The following EML5 variants were observed in gnomAD, a reference collection of about 807,000 sequenced individuals.
The protein encoded by EML5 is EMAP like 5, also known as echinoderm microtubule-associated protein-like 5.
In EML5, 120 loss-of-function variants were observed where a neutral mutation model predicts 250.0. That is an observed-to-expected ratio of 0.48 (90% CI 0.41 to 0.56). EML5 has a LOEUF of 0.56. EML5 is among the 20% of genes least tolerant of loss of function. The probability of loss-of-function intolerance (pLI) is 0.00; values close to 1 mark genes in which losing one functional copy is unlikely to be tolerated. For synonymous variants in EML5, 771 were observed against 806.5 expected, an observed-to-expected ratio of 0.96 and a Z score of 0.75; for missense variants, 2,006 against 2,437.6, an observed-to-expected ratio of 0.82 and a Z score of 3.73.
In EML5 at chr14:88,618,705, T is replaced by C. The variant is rs541600190; in HGVS notation, c.5483A>G (p.Asp1828Gly). The C allele has an allele frequency of 6.2e-7, 1 of 1,612,040 alleles. No individual in the cohort carries two copies. Among genetic ancestry groups the C allele is most frequent in the South Asian group, 1.1e-5 (1 of 90,472 alleles). Reference protein sequence around the residue: ...PTLNRISYCKDIPSFVIQMDF... With the variant: ...PTLNRISYCKGIPSFVIQMDF... Reference sequence around the variant, plus strand: ...CATTTGAATGACAAAGCTTGGAATGTCTTTGCAGTAGCTGATTCTGTTAAG... The same window carrying C: ...CATTTGAATGACAAAGCTTGGAATGCCTTTGCAGTAGCTGATTCTGTTAAG... The change falls in exon 40 of 44, where the codon GAC becomes GGC. Residue 1828 changes from aspartate to glycine, a missense_variant. This residue lies in a region of EML5 where 405 missense variants were observed against 523.3 expected (regional missense o/e 0.77). Coordinates refer to ENST00000554922, the MANE Select transcript of EML5 (RefSeq NM_183387.3).
chr14:88,732,512 G>A (rs977497783), intron 7 of EML5, among the ~76,000 whole-genome samples: 1 of 152,142 alleles, frequency 6.6e-6, no homozygotes, highest in African/African-American at 2.4e-5. Context: ...TGCCTTCAGT[G>A]TTGTTCTTTT....
intron 7 of EML5, among the ~76,000 whole-genome samples, chr14:88,729,621 G>A (rs998953492): frequency 4.6e-5 from 7 of 151,496 alleles, no homozygotes; most frequent in Non-Finnish European, 8.8e-5. Context: ...TAGTGCTGGC[G>A]CAATCTTAGT....
intron 21 of EML5, among the ~76,000 whole-genome samples, chr14:88,668,238 C>T (rs2141014619): frequency 6.6e-6 from 1 of 152,256 alleles, no homozygotes; most frequent in Non-Finnish European, 1.5e-5. Context: ...TCTGACTGGA[C>T]AGTGACCGAC....
intron 3 of EML5, among the ~76,000 whole-genome samples, chr14:88,745,636 T>C (rs1425455472): frequency 6.6e-6 from 1 of 152,164 alleles, no homozygotes; most frequent in Non-Finnish European, 1.5e-5. Context: ...AAACAGACCC[T>C]AGGCTCAAAC....
At chr14:88,718,726 C>T (rs1012299057) in intron 8 of EML5, among the ~76,000 whole-genome samples, 4 of 152,028 alleles carry the variant, frequency 2.6e-5, no homozygotes, top group African/African-American at 9.7e-5. Flanking sequence ...GAGAAATACT[C>T]CTGTGAAAGG....
At chr14:88,621,922 C>T (rs4635267) in intron 37 of EML5, 110,423 of 455,148 alleles carry the variant, frequency 0.24, 14,006 homozygotes, top group East Asian at 0.36. Context: ...TACATAAATA[C>T]GTGATTCTTA....
rs1175399938 is a variant in EML5 at position 88,682,617 on chromosome 14, T to TC, written c.2983-587dup. Among the ~76,000 whole-genome samples, 6 of 152,058 alleles carry TC rather than the reference T, an allele frequency of 3.9e-5. No individual in the cohort carries two copies. The East Asian group carries it at 1.2e-3, about 29-fold the overall frequency. ...GCAACCAAGAACACTAGGCTCTCTC[T>TC]CCCCCCAGCTCGCGGTCAGAGCACT... On this transcript the variant is annotated intron_variant, in intron 20 of 43. Coordinates refer to ENST00000554922, the MANE Select transcript of EML5 (RefSeq NM_183387.3).
intron 2 of EML5, among the ~76,000 whole-genome samples, chr14:88,749,722 A>G (rs1384753433): frequency 6.6e-6 from 1 of 152,204 alleles, no homozygotes; most frequent in East Asian, 1.9e-4. Context: ...TGGATTACAA[A>G]GTGTCAATAA....
At chr14:88,638,711 G>C (rs1411490921) in intron 32 of EML5, 98 bp downstream of exon 32, 2 of 1,033,014 alleles carry the variant, frequency 1.9e-6, no homozygotes, top group Non-Finnish European at 2.8e-6. Flanking sequence ...TTGAACAATC[G>C]ATAAATCAAT....
intron 1 of EML5, among the ~76,000 whole-genome samples, chr14:88,791,916 G>T (rs1222339044): frequency 6.6e-6 from 1 of 152,172 alleles, no homozygotes; most frequent in Admixed American, 6.5e-5. Context: ...ATTAGGTAAA[G>T]GGTTTCCCCC....
At chr14:88,636,580 G>A (rs958325936) in intron 32 of EML5, among the ~76,000 whole-genome samples, 3 of 152,192 alleles carry the variant, frequency 2.0e-5, no homozygotes, top group Non-Finnish European at 4.4e-5. Context: ...AGAATGGCGT[G>A]AACCCGGGAG....
Position 88,646,975 on chromosome 14 carries a change from G to A in EML5, c.4020-20C>T. The A allele has an allele frequency of 6.3e-7, 1 of 1,589,804 alleles. No homozygotes were observed. The highest frequency in any genetic ancestry group is 1.3e-5 in the African/African-American group (1 of 74,388). On this transcript the variant is annotated intron_variant, in intron 28 of 43. Transcript: ENST00000554922. ...GAACCTCTTTTCAGCAGCAGATAAA[G>A]AGGGAAAAAGATTACAACATAAATT...
At chr14:88,756,442 A>G (rs775790566) in intron 1 of EML5, among the ~76,000 whole-genome samples, 8 of 152,220 alleles carry the variant, frequency 5.3e-5, no homozygotes, top group Admixed American at 2.0e-4. Flanking sequence ...AAGTAAAGGG[A>G]AAAAACAAGG....
At chr14:88,663,895 C>A (rs1319902800) in intron 23 of EML5, among the ~76,000 whole-genome samples, 1 of 152,100 alleles carries the variant, frequency 6.6e-6, no homozygotes, top group Non-Finnish European at 1.5e-5. Context: ...ATCTTCACAA[C>A]AATTTTTTTG....
At chr14:88,754,308 T>C (rs2094134493) in intron 2 of EML5, among the ~76,000 whole-genome samples, 2 of 152,144 alleles carry the variant, frequency 1.3e-5, no homozygotes, top group African/African-American at 4.8e-5. Context: ...TTCAAGGTAA[T>C]AATTAATTCA....
intron 17 of EML5, 83 bp downstream of exon 17, chr14:88,694,224 G>A (rs1894253612): frequency 9.2e-6 from 8 of 873,914 alleles, no homozygotes; most frequent in Middle Eastern, 2.2e-4. Flanking sequence ...GCAGTCTAGG[G>A]TACACACTGC....
chr14:88,670,400 C>T (rs965583846), intron 21 of EML5, among the ~76,000 whole-genome samples: 1 of 151,394 alleles, frequency 6.6e-6, no homozygotes, highest in Non-Finnish European at 1.5e-5. Flanking sequence ...CTGCAAAAAC[C>T]CCATCCAAAG....
At chr14:88,739,527 A>T (rs1050672638) in intron 5 of EML5, among the ~76,000 whole-genome samples, 1 of 152,258 alleles carries the variant, frequency 6.6e-6, no homozygotes, top group Non-Finnish European at 1.5e-5. Context: ...AAAATGAATT[A>T]TACATGAACT....
intron 1 of EML5, among the ~76,000 whole-genome samples, chr14:88,770,988 T>G (rs1272070452): frequency 2.0e-5 from 3 of 152,192 alleles, no homozygotes; most frequent in Admixed American, 6.5e-5. Flanking sequence ...AATTACATAT[T>G]AAGTTGCTTT....
Sources: allele counts gnomAD v4.1 joint callset (sites outside exome capture counted in the v4.1 genomes callset), GRCh38; gene constraint gnomAD v4.1.1; regional missense constraint gnomAD v4.1.1; transcripts MANE v1.5; gene names NCBI Gene and HGNC (gene_info 2026-07-23, HGNC 2026-07-21).